DCDC2: variants seen among roughly 807,000 people sequenced by gnomAD.
DCDC2 encodes doublecortin domain-containing protein 2.
A neutral mutation model predicts 50.2 loss-of-function variants in DCDC2; 40 were observed. The ratio of observed to expected loss-of-function variants is 0.80; its 90% CI spans 0.62 to 1.04. The LOEUF (loss-of-function observed/expected upper bound fraction) is 1.04. Among genes scored for constraint, DCDC2 ranks in the 50% least tolerant of loss-of-function variants. The pLI, the probability that DCDC2 is intolerant of heterozygous loss-of-function variation, is 0.00. For synonymous variants in DCDC2, 234 were observed against 210.6 expected (o/e 1.11, Z -0.96); for missense variants, 570 against 581.9 (o/e 0.98, Z 0.21).
intron 7 of DCDC2, among the ~76,000 whole-genome samples, chr6:24,213,194 TGAGA>T (rs1411434965): frequency 6.6e-6 from 1 of 152,164 alleles, no homozygotes; most frequent in African/African-American, 2.4e-5. Context: ...TGAAACTGAT[TGAGA>T]TTTATGAGGA....
intron 2 of DCDC2, among the ~76,000 whole-genome samples, chr6:24,327,488 G>A (rs9467113): frequency 0.56 from 47,297 of 84,198 alleles, 10,151 homozygotes; most frequent in East Asian, 0.62. Flanking sequence ...TTATTTATTG[G>A]CTGATACGGA....
chr6:24,339,609 A>G (rs778737125), intron 2 of DCDC2, among the ~76,000 whole-genome samples: 1 of 152,044 alleles, frequency 6.6e-6, no homozygotes, highest in African/African-American at 2.4e-5. Flanking sequence ...TCATCTGCAG[A>G]CTCCTCTTCT....
intron 2 of DCDC2, among the ~76,000 whole-genome samples, chr6:24,315,147 G>A (rs2113847769): frequency 6.7e-6 from 1 of 149,794 alleles, no homozygotes; most frequent in South Asian, 2.2e-4. Flanking sequence ...CAATGTTCCA[G>A]GATGGAAAAT....
In DCDC2 at chr6:24,341,077, AT is replaced by A. The variant is rs199941461; in HGVS notation, c.348+12491del. On this transcript the variant is annotated intron_variant, in intron 2 of 9. Transcript: ENST00000378454. Reference sequence around the variant, plus strand: ...CAGCCCAGTTACATATGGCTATGTAATTTGAAATAGCAAAGATGGCCATAGA... The same window carrying A: ...CAGCCCAGTTACATATGGCTATGTAATTGAAATAGCAAAGATGGCCATAGA... Among the ~76,000 whole-genome samples, 154 of 152,322 alleles carry A rather than the reference AT, an allele frequency of 1.0e-3. 2 individuals are homozygous for A. In the East Asian group the frequency reaches 0.019, roughly 19 times the overall value.
upstream of DCDC2, among the ~76,000 whole-genome samples, chr6:24,358,813 T>TAA (rs1310642304): frequency 9.5e-5 from 3 of 31,588 alleles, no homozygotes; most frequent in Non-Finnish European, 1.2e-4. Context: ...ATATTATATA[T>TAA]AAATATATAT....
At chr6:24,246,513 G>T in intron 7 of DCDC2, among the ~76,000 whole-genome samples, 1 of 116,358 alleles carries the variant, frequency 8.6e-6, no homozygotes, top group Admixed American at 1.1e-4. Flanking sequence ...TTGAGATGGA[G>T]TCTCGCTCTG....
At chr6:24,233,135 T>A (rs763840842) in intron 7 of DCDC2, among the ~76,000 whole-genome samples, 18 of 152,228 alleles carry the variant, frequency 1.2e-4, no homozygotes, top group Non-Finnish European at 2.2e-4. Flanking sequence ...AATAAAATAG[T>A]CTGTCCTCTT....
At chr6:24,357,332 A>G in intron 1 of DCDC2, 126 bp downstream of exon 1, 1 of 1,135,198 alleles carries the variant, frequency 8.8e-7, no homozygotes, top group Non-Finnish European at 1.2e-6. Flanking sequence ...GAGGGGCATC[A>G]ATCACACCGA....
chr6:24,200,810 C>T (rs1761569998), intron 8 of DCDC2, among the ~76,000 whole-genome samples: 2 of 149,134 alleles, frequency 1.3e-5, no homozygotes, highest in South Asian at 4.3e-4. Context: ...GAATATTTAC[C>T]AAGCAAATGG....
chr6:24,311,683 A>T (rs1759572378), intron 2 of DCDC2, among the ~76,000 whole-genome samples: 1 of 152,218 alleles, frequency 6.6e-6, no homozygotes, highest in Non-Finnish European at 1.5e-5. Flanking sequence ...TAGATGGGAA[A>T]AGATGAGCCT....
intron 8 of DCDC2, among the ~76,000 whole-genome samples, chr6:24,180,767 C>G (rs1454845821): frequency 6.6e-6 from 1 of 152,110 alleles, no homozygotes; most frequent in African/African-American, 2.4e-5. Context: ...TCTCTTCTAA[C>G]TGACCAAACA....
chr6:24,380,304 A>G, the DCDC2 span, among the ~76,000 whole-genome samples: 1 of 152,180 alleles, frequency 6.6e-6, no homozygotes, highest in Non-Finnish European at 1.5e-5. Context: ...TTTCTAACCA[A>G]TCACCACCCC....
chr6:24,180,817 G>A (rs1456989027), intron 8 of DCDC2, among the ~76,000 whole-genome samples: 1 of 151,974 alleles, frequency 6.6e-6, no homozygotes, highest in African/African-American at 2.4e-5. Flanking sequence ...TTAACATAAT[G>A]CTTTCAGTTT....
intron 7 of DCDC2, among the ~76,000 whole-genome samples, chr6:24,240,162 T>G (rs1762534617): frequency 6.6e-6 from 1 of 152,184 alleles, no homozygotes; most frequent in Admixed American, 6.5e-5. Flanking sequence ...TAGAAAATCA[T>G]AAACAACTAG....
At chr6:24,242,534 G>A (rs373419103) in intron 7 of DCDC2, among the ~76,000 whole-genome samples, 101 of 152,192 alleles carry the variant, frequency 6.6e-4, no homozygotes, top group African/African-American at 2.1e-3. Context: ...TCCACCCACC[G>A]CCAGCCTCTG....
At chr6:24,201,583 A>G (rs1193185578) in intron 8 of DCDC2, among the ~76,000 whole-genome samples, 1 of 152,196 alleles carries the variant, frequency 6.6e-6, no homozygotes. Context: ...TAACATCACA[A>G]TTAAAAGAAC....
chr6:24,204,932 A>G (rs1223599414), intron 8 of DCDC2, 70 bp downstream of exon 8: 2 of 1,409,098 alleles, frequency 1.4e-6, no homozygotes, highest in African/African-American at 2.8e-5. Flanking sequence ...AATTTGTAGG[A>G]GATAACACAA....
Position 24,178,479 on chromosome 6 carries a change from C to G in DCDC2, c.1177G>C (p.Asp393His). The change falls in exon 9 of 10, where the codon GAT (aspartate) becomes CAT (histidine). Residue 393 changes from aspartate (D) to histidine (H), a missense_variant. Transcript: ENST00000378454. ...GGGCGTGCCTGCTGCTCACTGTGAT[C>G]CAGAATCTCCTCGACTTGCTCAGGG... Reference protein sequence around the residue: ...DAPEQVEEILDHSEQQARPAR... With the variant: ...DAPEQVEEILHHSEQQARPAR... The G allele has an allele frequency of 6.2e-7, 1 of 1,614,142 alleles. No individual in the cohort carries two copies. Among genetic ancestry groups the G allele is most frequent in the African/African-American group, 1.3e-5 (1 of 75,022 alleles).
chr6:24,300,070 C>T (rs948581836), intron 4 of DCDC2, among the ~76,000 whole-genome samples: 19 of 151,538 alleles, frequency 1.3e-4, no homozygotes, highest in Non-Finnish European at 2.5e-4. Flanking sequence ...TTTATTTATA[C>T]ATATGTATGC....
Sources: allele counts gnomAD v4.1 joint callset (sites outside exome capture counted in the v4.1 genomes callset), GRCh38; gene constraint gnomAD v4.1.1; transcripts MANE v1.5; gene names NCBI Gene and HGNC (gene_info 2026-07-23, HGNC 2026-07-21).